Variants in KMT2D observed in about 807,000 individuals in gnomAD.
KMT2D encodes the protein lysine methyltransferase 2D, also known as histone-lysine N-methyltransferase 2D.
Under a neutral mutation model 512.7 loss-of-function variants are expected in KMT2D, and 55 were observed. The ratio of observed to expected loss-of-function variants is 0.11; its 90% CI spans 0.09 to 0.13. The LOEUF (loss-of-function observed/expected upper bound fraction) is 0.13, where lower values mean the gene tolerates loss of function less well. KMT2D is among the 10% of genes least tolerant of loss of function. The pLI is 1.00. For synonymous variants in KMT2D, 2,995 were observed against 2,904.0 expected, an observed-to-expected ratio of 1.03 and a Z score of -1.01; for missense variants, 6,061 against 7,127.9, an observed-to-expected ratio of 0.85 and a Z score of 5.39.
In KMT2D at chr12:49,049,889, C is replaced by T. The variant is rs759510649; in HGVS notation, c.3699G>A (p.Glu1233=). 1.2e-6 allele frequency: 2 copies of T among 1,613,928 alleles called. No individual in the cohort carries two copies. The highest frequency in any genetic ancestry group is 8.5e-7 in the Non-Finnish European group (1 of 1,179,878). ...ACTCCATGGACAGGGAGCCACCCCC[C>T]TCCGGGTCTGGAGAGCCCAGGAGGG... ...SEPLLGSPDP[E]GGGSLSMELG... The change falls in exon 12 of 55, where the codon GAG becomes GAA. Residue 1233 remains glutamate (E), a synonymous_variant. Coordinates refer to ENST00000301067, the MANE Select transcript of KMT2D (RefSeq NM_003482.4).
In KMT2D at chr12:49,043,020, C is replaced by A. The variant is rs1943611611; in HGVS notation, c.5644+56G>T. 4 of 1,562,864 alleles carry A rather than the reference C, an allele frequency of 2.6e-6. No homozygotes were observed. In the Admixed American group the frequency reaches 6.7e-5, roughly 26 times the overall value. On this transcript the variant is annotated intron_variant, in intron 26 of 54. Transcript: ENST00000301067. The stretch of plus-strand genomic sequence containing the variant: ...GATCACAGTCCCAAAGATAGGACCT[C>A]CTCCTTCTCCCATAGAAAACCCTTA...
chr12:49,041,768 GTAGTGTTT>G lies in KMT2D; in HGVS notation c.6184-71_6184-64del. ...TGGTCTCATGCCCCGCCCCCATACT[GTAGTGTTT>G]TCACACTCCCTACCCAGAAGCAGAT... On this transcript the variant is annotated intron_variant, in intron 30 of 54. Transcript: ENST00000301067. The surrounding 1 kb of genome is among the most constrained non-coding windows in gnomAD (Gnocchi z 5.4). 6.4e-7 allele frequency: 1 copy of G among 1,558,910 alleles called. No homozygotes were observed. The highest frequency in any genetic ancestry group is 2.4e-5 in the East Asian group (1 of 42,472).
In KMT2D at chr12:49,034,637, A is replaced by G. The variant is rs764773306; in HGVS notation, c.10385T>C (p.Leu3462Pro). 2 of 1,613,676 alleles carry G rather than the reference A, an allele frequency of 1.2e-6. No individual in the cohort carries two copies. Among genetic ancestry groups the G allele is most frequent in the South Asian group, 2.2e-5 (2 of 91,004 alleles). The stretch of plus-strand genomic sequence containing the variant: ...CAGATCACTGCTAGGTCCCCCCGAG[A>G]GCCTCTGGGCTAGCAGAGACACTTG... ...RQQVSLLAQR[L>P]SGGPSSDLQN... is the part of the protein sequence containing the mutation. Residue 3462 changes from leucine (L) to proline (P), a missense_variant, in exon 37 of 55, where the codon CTC becomes CCC. By Grantham distance (98) the Leu-to-Pro change is moderately conservative. Coordinates refer to ENST00000301067, the MANE Select transcript of KMT2D (RefSeq NM_003482.4).
At position 49,054,928 on chromosome 12, in the gene KMT2D, T is replaced by G; in HGVS notation, c.148A>C (p.Arg50=). The G allele has an allele frequency of 6.2e-7, 1 of 1,613,980 alleles. No homozygotes were observed. Among genetic ancestry groups the G allele is most frequent in the Non-Finnish European group, 8.5e-7 (1 of 1,179,864 alleles). Residue 50 remains arginine, a synonymous_variant, in exon 3 of 55, where the codon AGG becomes CGG. Transcript: ENST00000301067. The surrounding 1 kb of genome is among the most constrained non-coding windows in gnomAD (Gnocchi z 6.4). ...EVSVLSSGSP[R]LQETPQDCSG... ...CAGTCCTGAGGAGTCTCCTGAAGCC[T>G]GGGACTCCCAGAACTAAGGACAGAG... is the stretch of plus-strand genomic sequence containing the variant.
At position 49,021,691 on chromosome 12, in the gene KMT2D, C is replaced by T. The variant is rs764983196; in HGVS notation, c.*89G>A. The T allele has an allele frequency of 8.7e-7, 1 of 1,150,146 alleles. No homozygotes were observed. The highest frequency in any genetic ancestry group is 1.3e-6 in the Non-Finnish European group (1 of 784,318). 71.2% of individuals were successfully genotyped at this position (1,150,146 alleles called of 1,614,324 possible). ...CGGCAGCCCCAACCCTGGGTCCTGG[C>T]TCTGGCTGCTACCTCTCTTCCCCCT... On this transcript the variant is annotated 3_prime_UTR_variant, in exon 55 of 55. Transcript: ENST00000301067.
In KMT2D at chr12:49,026,874, C is replaced by A; in HGVS notation, c.15092G>T (p.Arg5031Leu). 1.2e-6 allele frequency: 2 copies of A among 1,613,982 alleles called. No homozygotes were observed. Among genetic ancestry groups the A allele is most frequent in the Non-Finnish European group, 1.7e-6 (2 of 1,179,900 alleles). Reference protein sequence around the residue: ...RPDKVPRDMRRCCFCHEEGDG... With the variant: ...RPDKVPRDMRLCCFCHEEGDG... ...ACCCTCCTCATGACAGAAACAGCAGCGACGCATGTCTCGCGGTACCTTGTC... is the reference window on the plus strand; with the variant it reads ...ACCCTCCTCATGACAGAAACAGCAGAGACGCATGTCTCGCGGTACCTTGTC... Residue 5031 changes from arginine (R) to leucine (L), a missense_variant, in exon 49 of 55, where the codon CGC (arginine) becomes CTC (leucine). Arg to Leu is a moderately radical substitution (Grantham distance 102). This residue lies in a region of KMT2D where 1,600 missense variants were observed against 1,754.9 expected (regional missense o/e 0.91). Coordinates refer to ENST00000301067, the MANE Select transcript of KMT2D (RefSeq NM_003482.4). The surrounding 1 kb of genome is among the most constrained non-coding windows in gnomAD (Gnocchi z 9.6).
rs772399253 is a variant in KMT2D, at chr12:49,040,783, G to A, written c.6987C>T (p.Ala2329=). Residue 2329 remains alanine, a synonymous_variant, in exon 32 of 55, where the codon GCC becomes GCT. Transcript: ENST00000301067. Reference sequence around the variant, plus strand: ...CCTGAGATGCCCGAGGGGTCAGGGGGGCTTTGAAGACATCAGGTGTCTTTA... The same window carrying A: ...CCTGAGATGCCCGAGGGGTCAGGGGAGCTTTGAAGACATCAGGTGTCTTTA... ...LELKTPDVFK[A]PLTPRASQVE... is the part of the protein sequence containing the mutation. 77 of 1,613,520 alleles carry A rather than the reference G, an allele frequency of 4.8e-5. No individual in the cohort carries two copies. Among genetic ancestry groups the A allele is most frequent in the Non-Finnish European group, 5.8e-5 (68 of 1,179,730 alleles).
In KMT2D at chr12:49,060,277, G is replaced by A. The variant is rs1339495244; in HGVS notation, c.-702C>T. 6.6e-6 allele frequency among the ~76,000 whole-genome samples: 1 copy of A among 152,088 alleles called. No homozygotes were observed. The highest frequency in any genetic ancestry group is 1.5e-5 in the Non-Finnish European group (1 of 67,974). On this transcript the variant is annotated 5_prime_UTR_variant, in exon 1 of 55. Transcript: ENST00000301067. ...CCCACCTTCTGCTCCCCCCGGGGAA[G>A]GGAGGAGGCTAGGTAGGCGAGGAAA... is the stretch of plus-strand genomic sequence containing the variant.
At position 49,040,431 on chromosome 12, in the gene KMT2D, G is replaced by A. The variant is rs1447619052; in HGVS notation, c.7339C>T (p.Pro2447Ser). The stretch of plus-strand genomic sequence containing the variant: ...GAGGGTGGGCGAGAATAAGGGTCAG[G>A]GGACTGGAAGCGAGGGGTAACGGGT... Reference protein sequence around the residue: ...PSPVTPRFQSPDPYSRPPSRP... With the variant: ...PSPVTPRFQSSDPYSRPPSRP... The change falls in exon 32 of 55, where the codon CCT becomes TCT. Residue 2447 changes from proline (P) to serine (S), a missense_variant. Transcript: ENST00000301067. 1 of 1,561,220 alleles carries A rather than the reference G, an allele frequency of 6.4e-7. No individual in the cohort carries two copies. The highest frequency in any genetic ancestry group is 2.3e-5 in the East Asian group (1 of 44,388).
At position 49,053,601 on chromosome 12, in the gene KMT2D, C is replaced by A. The variant is rs761768160; in HGVS notation, c.714G>T (p.Leu238Phe). ...RCAVCEGPGELCDLFFCTSCG... is the reference protein window; with the variant it reads ...RCAVCEGPGEFCDLFFCTSCG... ...AGCTGGTACAGAAGAACAGGTCACA[C>A]AACTCCCCTGGCCCCTCACACACTG... Residue 238 changes from leucine to phenylalanine, a missense_variant, in exon 7 of 55, where the codon TTG (leucine) becomes TTT (phenylalanine). By Grantham distance (22) the Leu-to-Phe change is conservative (BLOSUM62 0). Around this residue, in one of 16 missense-constraint regions of KMT2D, gnomAD observed 160 missense variants for 225.8 expected, o/e 0.71. Transcript: ENST00000301067. 2 of 1,597,730 alleles carry A rather than the reference C, an allele frequency of 1.3e-6. No individual in the cohort carries two copies. The highest frequency in any genetic ancestry group is 1.7e-6 in the Non-Finnish European group (2 of 1,172,554).
At chr12:49,048,800 C>T (rs1234911251) in intron 13 of KMT2D, 31 bp from the exon 14 acceptor site, 1 of 1,427,366 alleles carries the variant, frequency 7.0e-7, no homozygotes, top group Non-Finnish European at 9.8e-7. Context: ...GAAAGTGAGG[C>T]AGATAAATCT....
In KMT2D at chr12:49,031,255, G is replaced by A. The variant is rs587783690; in HGVS notation, c.13450C>T (p.Arg4484Ter). ...LSTGRGSEGL[R>*]AEINGHIDSK... ...TCAATGTGCCCGTTGATCTCAGCTC[G>A]CAGCCCCTCGGACCCCCGCCCAGTG... The change falls in exon 40 of 55, where the codon CGA (arginine) becomes TGA (stop). Residue 4484 changes from arginine to a stop codon, truncating the protein, a stop_gained. Coordinates refer to ENST00000301067, the MANE Select transcript of KMT2D (RefSeq NM_003482.4). LOFTEE classifies it high-confidence loss of function. 1 of 1,613,048 alleles carries A rather than the reference G, an allele frequency of 6.2e-7. No individual in the cohort carries two copies. The highest frequency in any genetic ancestry group is 8.5e-7 in the Non-Finnish European group (1 of 1,179,752).
chr12:49,045,701 G>A (rs927386183), intron 19 of KMT2D, among the ~76,000 whole-genome samples: 1 of 151,954 alleles, frequency 6.6e-6, no homozygotes, highest in African/African-American at 2.4e-5. Flanking sequence ...AGAGACCATG[G>A]TGCCTGATGA....
chr12:49,048,169 C>G lies in KMT2D; in HGVS notation c.4132-100G>C, dbSNP rs1937671048. 11 of 755,476 alleles carry G rather than the reference C, an allele frequency of 1.5e-5. No individual in the cohort carries two copies. In the East Asian group the frequency reaches 2.8e-4, roughly 19 times the overall value. The allele number at this position is 755,476 out of a possible 1,614,324, so 46.8% of individuals were successfully genotyped here. A position where few individuals can be genotyped will look rare whatever the true frequency, so the allele number is the denominator to read the frequency against. Reference sequence around the variant, plus strand: ...TACAACACTGATTTGCGACCAGAGTCAGGAACCCCATCCCACAGCGTTAGG... The same window carrying G: ...TACAACACTGATTTGCGACCAGAGTGAGGAACCCCATCCCACAGCGTTAGG... On this transcript the variant is annotated intron_variant, in intron 14 of 54. Coordinates refer to ENST00000301067, the MANE Select transcript of KMT2D (RefSeq NM_003482.4).
Position 49,046,367 on chromosome 12 carries a change from C to T in KMT2D, c.4476G>A (p.Gln1492=), listed in dbSNP as rs2120605102. Residue 1492 remains glutamine (Q), a synonymous_variant, in exon 17 of 55, where the codon CAG becomes CAA. Transcript: ENST00000301067. This position sits in a 1 kb window ranked among gnomAD's most constrained non-coding sequence, Gnocchi z 4.2. ...AGGGCCCACAGTGTGTGTAACTATT[C>T]TGCCATTCACAGTGGAAGCCAGGGG... The part of the protein sequence containing the change: ...AASPGFHCEW[Q]NSYTHCGPCA... 6.2e-7 allele frequency: 1 copy of T among 1,613,978 alleles called. No homozygotes were observed. The highest frequency in any genetic ancestry group is 1.1e-5 in the South Asian group (1 of 91,084).
Position 49,042,174 on chromosome 12 carries a change from C to A in KMT2D, c.6024G>T (p.Lys2008Asn). 6.2e-7 allele frequency: 1 copy of A among 1,612,162 alleles called. No homozygotes were observed. The highest frequency in any genetic ancestry group is 8.5e-7 in the Non-Finnish European group (1 of 1,179,224). The part of the protein sequence containing the change: ...YNQRSLQRWE[K>N]DEELGQLSTI... The stretch of plus-strand genomic sequence containing the variant: ...TGGACAGCTGGCCCAACTCCTCATC[C>A]TTCTCCCAGCGCTGAAGACTCCGCT... The change falls in exon 29 of 55, where the codon AAG becomes AAT. Residue 2008 changes from lysine (K) to asparagine (N), a missense_variant. Coordinates refer to ENST00000301067, the MANE Select transcript of KMT2D (RefSeq NM_003482.4). The surrounding 1 kb of genome is among the most constrained non-coding windows in gnomAD (Gnocchi z 4.4).
chr12:49,060,736 C>G lies in KMT2D; in HGVS notation c.-1161G>C, dbSNP rs1238898404. 6.6e-6 allele frequency among the ~76,000 whole-genome samples: 1 copy of G among 152,240 alleles called. No individual in the cohort carries two copies. Among genetic ancestry groups the G allele is most frequent in the Non-Finnish European group, 1.5e-5 (1 of 68,052 alleles). On this transcript the variant is annotated 5_prime_UTR_variant, in exon 1 of 55. Transcript: ENST00000301067. ...GGGGGGCCTTTTGCCCGGGGCACCC[C>G]ACTCGAGAGGGGGAGAAAGGAGAAG...
In KMT2D at chr12:49,033,846, C is replaced by A; in HGVS notation, c.10859G>T (p.Ser3620Ile). The A allele has an allele frequency of 6.4e-7, 1 of 1,563,762 alleles. No homozygotes were observed. The highest frequency in any genetic ancestry group is 8.6e-7 in the Non-Finnish European group (1 of 1,156,278). Residue 3620 changes from serine to isoleucine, a missense_variant, in exon 40 of 55, where the codon AGC becomes ATC. Around this residue, in one of 16 missense-constraint regions of KMT2D, gnomAD observed 1,600 missense variants for 1,754.9 expected, o/e 0.91. Transcript: ENST00000301067. ...QQQHSAVLAL[S>I]PSQSPRLLTK... is the part of the protein sequence containing the mutation. ...GAGCAGCCGGGGACTCTGGGAAGGGCTGAGAGCCAGCACAGCTGAGTGCTG... is the reference window on the plus strand; with the variant it reads ...GAGCAGCCGGGGACTCTGGGAAGGGATGAGAGCCAGCACAGCTGAGTGCTG...
rs935137201 is a variant in KMT2D at position 49,022,984 on chromosome 12, G to A, written c.16053-109C>T. 8.3e-7 allele frequency: 1 copy of A among 1,202,880 alleles called. No homozygotes were observed. The highest frequency in any genetic ancestry group is 1.5e-5 in the African/African-American group (1 of 65,154). 74.5% of individuals were successfully genotyped at this position (1,202,880 alleles called of 1,614,324 possible). On this transcript the variant is annotated intron_variant, in intron 51 of 54. Transcript: ENST00000301067. This position sits in a 1 kb window ranked among gnomAD's most constrained non-coding sequence, Gnocchi z 8.6. ...TGTGCAACACACCAGTTAGGGGCGTGTGCTGCTGGCAAGCACTGGAAGTGC... is the reference window on the plus strand; with the variant it reads ...TGTGCAACACACCAGTTAGGGGCGTATGCTGCTGGCAAGCACTGGAAGTGC...
Sources: allele counts gnomAD v4.1 joint callset (sites outside exome capture counted in the v4.1 genomes callset), GRCh38; gene constraint gnomAD v4.1.1; regional missense constraint gnomAD v4.1.1; non-coding constraint Gnocchi (gnomAD v3.1); transcripts MANE v1.5; gene names NCBI Gene and HGNC (gene_info 2026-07-23, HGNC 2026-07-21).